Variants in GAB1 observed in about 807,000 individuals in gnomAD.
The protein encoded by GAB1 is GRB2 associated binding protein 1, also known as GRB2-associated-binding protein 1.
A neutral mutation model predicts 66.5 loss-of-function variants in GAB1; 19 were observed. The ratio of observed to expected loss-of-function variants is 0.29; its 90% confidence interval spans 0.20 to 0.42. GAB1 has a LOEUF of 0.42. Among genes scored for constraint, GAB1 ranks in the 10% least tolerant of loss-of-function variants. The pLI is 1.00. For missense variants in GAB1, 732 were observed against 858.5 expected (o/e 0.85, Z 1.84); for synonymous variants, 294 against 301.4 (o/e 0.98, Z 0.25).
chr4:143,467,354 A>T (rs1165570362), intron 9 of GAB1, among the ~76,000 whole-genome samples: 1 of 152,184 alleles, frequency 6.6e-6, no homozygotes. Context: ...ATACGTCTAG[A>T]CATAGATTCC....
In GAB1 at chr4:143,472,740, G is replaced by A. The variant is rs1397337255; in HGVS notation, c.*3551G>A. The A allele has an allele frequency of 6.6e-6, 1 of 152,104 alleles. No homozygotes were observed. The highest frequency in any genetic ancestry group is 2.4e-5 in the African/African-American group (1 of 41,416). The allele number at this position is 152,104 out of a possible 1,614,324, so 9.4% of individuals were successfully genotyped here. On this transcript the variant is annotated 3_prime_UTR_variant, in exon 10 of 10. Coordinates refer to ENST00000262994, the MANE Select transcript of GAB1 (RefSeq NM_002039.4). ...GGTAGGTCTTCTCCTCCACTGTCAA[G>A]TAAGCAATCAGGTCCGTGACAGGGA... is the stretch of plus-strand genomic sequence containing the variant.
intron 6 of GAB1, among the ~76,000 whole-genome samples, chr4:143,451,220 G>T (rs1734914061): frequency 1.3e-5 from 2 of 152,160 alleles, no homozygotes; most frequent in Non-Finnish European, 2.9e-5. Context: ...TTAAATGATG[G>T]TAGGGGAGGG....
chr4:143,362,335 C>T (rs185948774), intron 1 of GAB1, among the ~76,000 whole-genome samples: 26 of 152,260 alleles, frequency 1.7e-4, no homozygotes, highest in African/African-American at 6.0e-4. Flanking sequence ...CCCCAAGAGA[C>T]GGGCTCTTAG....
intron 1 of GAB1, among the ~76,000 whole-genome samples, chr4:143,362,178 A>G (rs1314032437): frequency 2.0e-5 from 3 of 152,188 alleles, no homozygotes; most frequent in African/African-American, 7.2e-5. Context: ...GTGGAAGGAT[A>G]GAAAAATAAG....
At chr4:143,436,451 C>A (rs1284348030) in intron 3 of GAB1, among the ~76,000 whole-genome samples, 1 of 152,068 alleles carries the variant, frequency 6.6e-6, no homozygotes, top group Non-Finnish European at 1.5e-5. Context: ...AAATATTGAT[C>A]TTATAGAAGT....
intron 1 of GAB1, among the ~76,000 whole-genome samples, chr4:143,370,739 T>C (rs1210430421): frequency 6.6e-6 from 1 of 152,140 alleles, no homozygotes; most frequent in Non-Finnish European, 1.5e-5. Flanking sequence ...TGATGTTCCC[T>C]GCCCTGTGTC....
At chr4:143,394,531 C>T (rs1359473334) in intron 1 of GAB1, among the ~76,000 whole-genome samples, 1 of 152,122 alleles carries the variant, frequency 6.6e-6, no homozygotes, top group African/African-American at 2.4e-5. Flanking sequence ...CTTGTGTTCC[C>T]TCAGAAAACT....
chr4:143,392,721 C>T (rs373781583), intron 1 of GAB1, among the ~76,000 whole-genome samples: 8 of 152,016 alleles, frequency 5.3e-5, no homozygotes, highest in Admixed American at 2.0e-4. Context: ...AATGCAACAA[C>T]GAATTTGTAT....
At chr4:143,407,127 T>C (rs2149707308) in intron 1 of GAB1, among the ~76,000 whole-genome samples, 1 of 152,328 alleles carries the variant, frequency 6.6e-6, no homozygotes, top group African/African-American at 2.4e-5. Flanking sequence ...ACCTTGAAAC[T>C]ATACAATATT....
At chr4:143,430,209 C>A (rs752893147) in intron 2 of GAB1, among the ~76,000 whole-genome samples, 3 of 152,054 alleles carry the variant, frequency 2.0e-5, no homozygotes, top group Non-Finnish European at 2.9e-5. Flanking sequence ...AGGATCAAAA[C>A]AAGACAATTG....
intron 2 of GAB1, among the ~76,000 whole-genome samples, chr4:143,428,048 T>C (rs1733457567): frequency 6.6e-6 from 1 of 152,234 alleles, no homozygotes; most frequent in Admixed American, 6.5e-5. Flanking sequence ...CTTACCCACA[T>C]ATGCCCTATC....
At chr4:143,375,695 A>G (rs964279935) in intron 1 of GAB1, among the ~76,000 whole-genome samples, 2 of 152,258 alleles carry the variant, frequency 1.3e-5, no homozygotes, top group African/African-American at 4.8e-5. Flanking sequence ...TCCGAATATG[A>G]CAAATCATTT....
chr4:143,397,734 C>T (rs972736401), intron 1 of GAB1, among the ~76,000 whole-genome samples: 2 of 152,158 alleles, frequency 1.3e-5, no homozygotes, highest in Admixed American at 1.3e-4. Flanking sequence ...GTATAGAGAG[C>T]TGTGAAATTC....
In GAB1 at chr4:143,459,395, G is replaced by A. The variant is rs202085283; in HGVS notation, c.1596G>A (p.Ala532=). The A allele has an allele frequency of 7.4e-5, 118 of 1,602,014 alleles. No individual in the cohort carries two copies. The highest frequency in any genetic ancestry group is 6.3e-4 in the East Asian group (28 of 44,726). Residue 532 remains alanine (A), a synonymous_variant, in exon 7 of 10, where the codon GCG becomes GCA. Coordinates refer to ENST00000262994, the MANE Select transcript of GAB1 (RefSeq NM_002039.4). ...NLKPDRKVKP[A]PLEIKPLPEW... is the part of the protein sequence containing the mutation. ...TCTTTTTCTTTTCAGTCAAGCCAGC[G>A]CCTTTAGAAATAAAACCTTTGCCAG...
At position 143,471,230 on chromosome 4, in the gene GAB1, CTTT is replaced by C; in HGVS notation, c.*2044_*2046del. 1 of 152,220 alleles carries C rather than the reference CTTT, an allele frequency of 6.6e-6. No homozygotes were observed. Among genetic ancestry groups the C allele is most frequent in the African/African-American group, 2.4e-5 (1 of 41,554 alleles). The allele number at this position is 152,220 out of a possible 1,614,324, so 9.4% of individuals were successfully genotyped here. ...TGTTTTTAGTCTAACTTATCATTAA[CTTT>C]TTACAAGTCACCATATTTGAAGATC... is the stretch of plus-strand genomic sequence containing the variant. On this transcript the variant is annotated 3_prime_UTR_variant, in exon 10 of 10. Transcript: ENST00000262994.
At chr4:143,467,483 G>A (rs1560791740) in intron 9 of GAB1, among the ~76,000 whole-genome samples, 1 of 152,098 alleles carries the variant, frequency 6.6e-6, no homozygotes, top group African/African-American at 2.4e-5. Flanking sequence ...ATGAAATTCT[G>A]TTTGGGTCTT....
At chr4:143,425,007 G>A (rs866988736) in intron 2 of GAB1, 3 of 705,488 alleles carry the variant, frequency 4.3e-6, no homozygotes, top group Middle Eastern at 3.6e-4. Context: ...GGTCCATACG[G>A]CGTTGTTCTG....
At chr4:143,343,683 C>G (rs1728898069) in intron 1 of GAB1, 1 of 154,758 alleles carries the variant, frequency 6.5e-6, no homozygotes, top group Non-Finnish European at 1.5e-5. Context: ...ACAGGGGATG[C>G]AGGGGTACGA....
At chr4:143,428,144 C>G (rs994071853) in intron 2 of GAB1, among the ~76,000 whole-genome samples, 3 of 152,196 alleles carry the variant, frequency 2.0e-5, no homozygotes, top group Admixed American at 1.3e-4. Flanking sequence ...AAAGGAGAAG[C>G]CTGGCTTAAT....
Sources: allele counts gnomAD v4.1 joint callset (sites outside exome capture counted in the v4.1 genomes callset), GRCh38; gene constraint gnomAD v4.1.1; transcripts MANE v1.5; gene names NCBI Gene and HGNC (gene_info 2026-07-23, HGNC 2026-07-21).